Variants in POT1 observed in about 807,000 individuals in gnomAD.
The protein encoded by POT1 is protection of telomeres protein 1.
In POT1, 47 loss-of-function variants were observed where a neutral mutation model predicts 78.5. The ratio of observed to expected loss-of-function variants is 0.60; its 90% CI spans 0.47 to 0.76. The LOEUF is 0.76. Among genes scored for constraint, POT1 ranks in the 30% least tolerant of loss-of-function variants. The pLI, the probability that POT1 is intolerant of heterozygous loss-of-function variation, is 0.00. For synonymous variants in POT1, 259 were observed against 260.7 expected (o/e 0.99, Z 0.06); for missense variants, 646 against 749.9 (o/e 0.86, Z 1.62).
At chr7:124,917,332 A>G (rs1193801308) in intron 2 of POT1, among the ~76,000 whole-genome samples, 1 of 152,166 alleles carries the variant, frequency 6.6e-6, no homozygotes, top group East Asian at 1.9e-4. Context: ...AGGATGGGGA[A>G]GACAAGAGAA....
In POT1 at chr7:124,867,226, A is replaced by G. The variant is rs566277513; in HGVS notation, c.256-3586T>C. 9.2e-5 allele frequency among the ~76,000 whole-genome samples: 14 copies of G among 152,324 alleles called. No homozygotes were observed. In the South Asian group the frequency reaches 2.7e-3, roughly 29 times the overall value. On this transcript the variant is annotated intron_variant, in intron 7 of 18. Coordinates refer to ENST00000357628, the MANE Select transcript of POT1 (RefSeq NM_015450.3). ...TAACGCATCCTCATTTCATGTCTGT[A>G]AAACTGAAATAGCCTTCTAAAGAAT...
chr7:124,836,789 AAGCAC>A (rs1794909711), intron 14 of POT1, among the ~76,000 whole-genome samples: 1 of 152,218 alleles, frequency 6.6e-6, no homozygotes, highest in African/African-American at 2.4e-5. Flanking sequence ...AATATTTGTA[AAGCAC>A]TTAGAGCCAT....
chr7:124,839,639 T>A (rs1295062529), intron 14 of POT1, among the ~76,000 whole-genome samples: 1 of 152,196 alleles, frequency 6.6e-6, no homozygotes, highest in Non-Finnish European at 1.5e-5. Flanking sequence ...ATTTCTTATA[T>A]TCCTTTTACA....
At chr7:124,862,947 TAAG>T (rs1795632317) in intron 8 of POT1, among the ~76,000 whole-genome samples, 4 of 151,942 alleles carry the variant, frequency 2.6e-5, no homozygotes, top group Admixed American at 2.6e-4. Flanking sequence ...GTGAAAGACA[TAAG>T]AAGAGAACCC....
intron 6 of POT1, among the ~76,000 whole-genome samples, chr7:124,885,509 G>C (rs1169310480): frequency 6.6e-6 from 1 of 151,890 alleles, no homozygotes; most frequent in South Asian, 2.1e-4. Context: ...GCTCAAGCCT[G>C]TAATCCCAGC....
At chr7:124,914,016 T>C (rs1490283024) in intron 3 of POT1, among the ~76,000 whole-genome samples, 1 of 151,240 alleles carries the variant, frequency 6.6e-6, no homozygotes, top group Non-Finnish European at 1.5e-5. Context: ...GCGTCTGTAG[T>C]CCCAGCTACT....
At position 124,898,099 on chromosome 7, in the gene POT1, C is replaced by A. The variant is rs74429678; in HGVS notation, c.-40+162G>T. Among the ~76,000 whole-genome samples, 6,958 of 151,210 alleles carry A rather than the reference C, an allele frequency of 0.046. 258 individuals carry two copies. Among genetic ancestry groups the A allele is most frequent in the Non-Finnish European group, 0.07 (4,750 of 67,632 alleles). Reference sequence around the variant, plus strand: ...CTATCTTGTCATTCGAAAAATAAAACCAAGAAAAAAAAACTTCTATTTTTT... The same window carrying A: ...CTATCTTGTCATTCGAAAAATAAAAACAAGAAAAAAAAACTTCTATTTTTT... On this transcript the variant is annotated intron_variant, in intron 4 of 18. Coordinates refer to ENST00000357628, the MANE Select transcript of POT1 (RefSeq NM_015450.3).
chr7:124,832,994 A>G (rs910439762), intron 15 of POT1, among the ~76,000 whole-genome samples: 1 of 152,162 alleles, frequency 6.6e-6, no homozygotes, highest in African/African-American at 2.4e-5. Flanking sequence ...AAAGAACAAA[A>G]GCAAGTGAGC....
intron 14 of POT1, chr7:124,837,223 T>A: frequency 3.4e-6 from 1 of 295,734 alleles, no homozygotes; most frequent in Non-Finnish European, 6.7e-6. Flanking sequence ...AGAACTGTTA[T>A]GAGAGTTAAA....
chr7:124,862,082 T>C (rs7808203), intron 8 of POT1, among the ~76,000 whole-genome samples: 91,221 of 151,978 alleles, frequency 0.6, 27,513 homozygotes, highest in African/African-American at 0.64. Context: ...GTCTTGGCTA[T>C]ATGGGCTCTT....
chr7:124,869,578 T>C (rs1442395223), intron 7 of POT1, among the ~76,000 whole-genome samples: 1 of 152,196 alleles, frequency 6.6e-6, no homozygotes, highest in African/African-American at 2.4e-5. Context: ...ATAATATTTC[T>C]TTTTATTTAT....
chr7:124,926,491 C>T (rs1797277365), intron 2 of POT1, among the ~76,000 whole-genome samples: 1 of 152,084 alleles, frequency 6.6e-6, no homozygotes. Context: ...TGAGAATGTA[C>T]ATTAGTACAA....
At chr7:124,866,201 C>T (rs1795719226) in intron 7 of POT1, among the ~76,000 whole-genome samples, 1 of 151,948 alleles carries the variant, frequency 6.6e-6, no homozygotes, top group African/African-American at 2.4e-5. Flanking sequence ...ACCCTGCAAA[C>T]TCTCTGCGAA....
At chr7:124,899,466 T>A (rs1796568533) in intron 3 of POT1, among the ~76,000 whole-genome samples, 1 of 152,130 alleles carries the variant, frequency 6.6e-6, no homozygotes, top group Non-Finnish European at 1.5e-5. Flanking sequence ...TTTTTCTTCT[T>A]ACTGAAGATT....
chr7:124,845,165 A>G (rs930889901), intron 12 of POT1, among the ~76,000 whole-genome samples: 1 of 152,184 alleles, frequency 6.6e-6, no homozygotes, highest in African/African-American at 2.4e-5. Context: ...TTAATTAACA[A>G]ACATTACTCA....
chr7:124,871,670 C>T (rs576933792), intron 6 of POT1, among the ~76,000 whole-genome samples: 113 of 150,928 alleles, frequency 7.5e-4, no homozygotes, highest in Middle Eastern at 6.9e-3. Flanking sequence ...ATTTGGGTTG[C>T]TATAAAACGA....
chr7:124,922,699 C>G (rs1563024895), intron 2 of POT1, among the ~76,000 whole-genome samples: 1 of 151,514 alleles, frequency 6.6e-6, no homozygotes, highest in Non-Finnish European at 1.5e-5. Flanking sequence ...AATATTTAAC[C>G]CAAAAGAACT....
intron 3 of POT1, among the ~76,000 whole-genome samples, chr7:124,900,588 C>T (rs193278283): frequency 1.6e-4 from 25 of 152,082 alleles, no homozygotes; most frequent in South Asian, 6.2e-4. Context: ...GTGTGAGCCA[C>T]GCAGAAGACG....
At chr7:124,894,815 T>C (rs1796454456) in intron 5 of POT1, among the ~76,000 whole-genome samples, 1 of 151,328 alleles carries the variant, frequency 6.6e-6, no homozygotes, top group Non-Finnish European at 1.5e-5. Context: ...AATAGTGTAG[T>C]TAGTAGGAGA....
Sources: gnomAD v4.1 joint callset for allele counts (sites outside exome capture counted in the v4.1 genomes callset) on GRCh38, gnomAD v4.1.1 for gene constraint, MANE v1.5 for transcripts, NCBI Gene and HGNC (gene_info 2026-07-23, HGNC 2026-07-21) for gene names.